FRAS1: variants seen among roughly 807,000 people sequenced by gnomAD.
FRAS1 encodes the protein Fraser extracellular matrix complex subunit 1.
In FRAS1, 290 loss-of-function variants were observed where a neutral mutation model predicts 435.2. That is an observed-to-expected ratio of 0.67 (90% confidence interval 0.61 to 0.73). The LOEUF is 0.73. Among genes scored for constraint, FRAS1 ranks in the 30% least tolerant of loss-of-function variants. The pLI, the probability that FRAS1 is intolerant of heterozygous loss-of-function variation, is 0.00. For synonymous variants in FRAS1, 1,800 were observed against 1,851.0 expected (o/e 0.97, Z 0.71); for missense variants, 4,860 against 5,001.5 (o/e 0.97, Z 0.85).
intron 29 of FRAS1, among the ~76,000 whole-genome samples, 192 bp from the exon 30 acceptor site, chr4:78,400,542 C>T (rs1208304100): frequency 6.6e-6 from 1 of 152,124 alleles, no homozygotes; most frequent in Non-Finnish European, 1.5e-5. Context: ...AGGATATATA[C>T]ATATGTAAAT....
At chr4:78,153,440 C>T (rs2110014353) in intron 2 of FRAS1, among the ~76,000 whole-genome samples, 1 of 152,308 alleles carries the variant, frequency 6.6e-6, no homozygotes, top group East Asian at 1.9e-4. Flanking sequence ...GATTATACCT[C>T]CTTCTGTCTA....
At position 78,280,978 on chromosome 4, in the gene FRAS1, CTCAA is replaced by C. The variant is rs1014027261; in HGVS notation, c.1072-416_1072-413del. On this transcript the variant is annotated intron_variant, in intron 10 of 73. Coordinates refer to ENST00000512123, the MANE Select transcript of FRAS1 (RefSeq NM_025074.7). Reference sequence around the variant, plus strand: ...CCTATAAATATTGAATTTATATTTTCTCAATCATAGTATCAATTTTCCTACTCAT... The same window carrying C: ...CCTATAAATATTGAATTTATATTTTCTCATAGTATCAATTTTCCTACTCAT... 1.4e-4 allele frequency among the ~76,000 whole-genome samples: 22 copies of C among 152,240 alleles called. No homozygotes were observed. The East Asian group carries it at 2.3e-3, about 16-fold the overall frequency.
At chr4:78,524,485 T>C (rs190402296) in intron 69 of FRAS1, among the ~76,000 whole-genome samples, 10 of 152,158 alleles carry the variant, frequency 6.6e-5, no homozygotes, top group Non-Finnish European at 1.5e-4. Context: ...ATATGGGAAA[T>C]GCTTAGATTC....
In FRAS1 at chr4:78,479,340, C is replaced by A; in HGVS notation, c.8099-34C>A. On this transcript the variant is annotated intron_variant, in intron 55 of 73. Transcript: ENST00000512123. ...TTTTAAAATCTGAGAAGCACTCATTCAAATGCTTTGGTTTTTTGCCATTTG... is the reference window on the plus strand; with the variant it reads ...TTTTAAAATCTGAGAAGCACTCATTAAAATGCTTTGGTTTTTTGCCATTTG... 2.2e-6 allele frequency: 3 copies of A among 1,391,902 alleles called. No homozygotes were observed. In the South Asian group the frequency reaches 5.1e-5, roughly 24 times the overall value. 86.2% of individuals were successfully genotyped at this position (1,391,902 alleles called of 1,614,324 possible). A position where few individuals can be genotyped will look rare whatever the true frequency, so the allele number is the denominator to read the frequency against.
At chr4:78,312,225 T>A (rs1729055418) in intron 15 of FRAS1, among the ~76,000 whole-genome samples, 2 of 146,216 alleles carry the variant, frequency 1.4e-5, no homozygotes, top group Admixed American at 1.4e-4. Flanking sequence ...CCCATTTGAT[T>A]TTTTTCCATT....
At chr4:78,298,030 CTATATATATA>C (rs61446216) in intron 14 of FRAS1, among the ~76,000 whole-genome samples, 3 of 104,076 alleles carry the variant, frequency 2.9e-5, no homozygotes, top group African/African-American at 1.0e-4. Flanking sequence ...CTCTCTCTCT[CTATATATATA>C]TATATATATA....
chr4:78,374,185 G>C lies in FRAS1; in HGVS notation c.3085G>C (p.Glu1029Gln), dbSNP rs1042892600. 6.2e-6 allele frequency: 10 copies of C among 1,607,360 alleles called. No homozygotes were observed. Among genetic ancestry groups the C allele is most frequent in the Non-Finnish European group, 8.5e-6 (10 of 1,175,172 alleles). The change falls in exon 25 of 74, where the codon GAA becomes CAA. Residue 1029 changes from glutamate to glutamine, a missense_variant. Glu to Gln is a conservative substitution (Grantham distance 29). Transcript: ENST00000512123. ...CTGCAAAGGGCCATTTCTCCTCTTG[G>C]AAGCCCAGTGTGTCCAGGAATGTGG... ...TRCKGPFLLL[E>Q]AQCVQECGKG...
chr4:78,321,467 G>A (rs187324171), intron 18 of FRAS1, among the ~76,000 whole-genome samples: 1 of 152,312 alleles, frequency 6.6e-6, no homozygotes, highest in Admixed American at 6.5e-5. Context: ...TAATGCTTCA[G>A]GGTTAGAGCA....
chr4:78,180,324 T>C (rs1721944536), intron 2 of FRAS1, among the ~76,000 whole-genome samples: 1 of 152,086 alleles, frequency 6.6e-6, no homozygotes, highest in South Asian at 2.1e-4. Flanking sequence ...AAAATGAAAA[T>C]ATTAAAACTA....
In FRAS1 at chr4:78,421,898, A is replaced by G; in HGVS notation, c.4576A>G (p.Ile1526Val). ...GCACCGGGACCACCCTCACTCTCCT[A>G]TCCGGTATTTCACGCAAGAGGATAT... ...IEHRDHPHSP[I>V]RYFTQEDINQ... is the part of the protein sequence containing the mutation. Residue 1526 changes from isoleucine to valine, a missense_variant, in exon 34 of 74, where the codon ATC (isoleucine) becomes GTC (valine). Transcript: ENST00000512123. 6.2e-7 allele frequency: 1 copy of G among 1,613,686 alleles called. No homozygotes were observed. Among genetic ancestry groups the G allele is most frequent in the Non-Finnish European group, 8.5e-7 (1 of 1,179,748 alleles).
At chr4:78,444,074 T>C (rs1444153594) in intron 41 of FRAS1, 1 of 425,532 alleles carries the variant, frequency 2.3e-6, no homozygotes, top group South Asian at 1.7e-5. Flanking sequence ...AGTCTGGTCT[T>C]GAAGTCCTGG....
intron 2 of FRAS1, among the ~76,000 whole-genome samples, chr4:78,119,717 C>G (rs561916277): frequency 1.3e-5 from 2 of 152,282 alleles, no homozygotes; most frequent in Admixed American, 6.5e-5. Flanking sequence ...AACTCTGCCA[C>G]GTAACACAGT....
chr4:78,433,659 T>C (rs1046484560), intron 38 of FRAS1, among the ~76,000 whole-genome samples: 2 of 152,236 alleles, frequency 1.3e-5, no homozygotes, highest in African/African-American at 4.8e-5. Flanking sequence ...TATTCTAGTT[T>C]CAGAACAGCT....
At chr4:78,084,529 G>T (rs1578112549) in intron 2 of FRAS1, among the ~76,000 whole-genome samples, 3 of 152,146 alleles carry the variant, frequency 2.0e-5, no homozygotes, top group Middle Eastern at 3.4e-3. Context: ...CATATTTGAG[G>T]TCTATCAATT....
At chr4:78,517,737 G>T (rs961575782) in intron 66 of FRAS1, among the ~76,000 whole-genome samples, 1 of 152,036 alleles carries the variant, frequency 6.6e-6, no homozygotes, top group Non-Finnish European at 1.5e-5. Context: ...GTAAATATTT[G>T]TTGGGTTTTT....
intron 44 of FRAS1, among the ~76,000 whole-genome samples, chr4:78,449,326 G>A: frequency 6.6e-6 from 1 of 152,130 alleles, no homozygotes. Flanking sequence ...TGTTACAGCA[G>A]CAGAATGCAA....
chr4:78,341,558 A>G (rs969553021), intron 20 of FRAS1, among the ~76,000 whole-genome samples: 1 of 152,204 alleles, frequency 6.6e-6, no homozygotes, highest in Admixed American at 6.5e-5. Flanking sequence ...ATAGTATGTT[A>G]GGTTGGCTCA....
chr4:78,508,661 A>C, intron 62 of FRAS1, 70 bp from the exon 63 acceptor site: 1 of 1,530,306 alleles, frequency 6.5e-7, no homozygotes, highest in Non-Finnish European at 8.9e-7. Context: ...GGATCTCTAA[A>C]GAAAGGGGGC....
chr4:78,120,002 G>A (rs991977485), intron 2 of FRAS1, among the ~76,000 whole-genome samples: 1 of 152,184 alleles, frequency 6.6e-6, no homozygotes, highest in Non-Finnish European at 1.5e-5. Flanking sequence ...AAACAGAATT[G>A]TAAAATATGT....
Sources: gnomAD v4.1 joint callset for allele counts (sites outside exome capture counted in the v4.1 genomes callset) on GRCh38, gnomAD v4.1.1 for gene constraint, MANE v1.5 for transcripts, NCBI Gene and HGNC (gene_info 2026-07-23, HGNC 2026-07-21) for gene names.